The following NAV1 variants were observed in gnomAD, a reference collection of about 807,000 sequenced individuals.
NAV1 encodes pore membrane and/or filament interacting like protein 3.
In NAV1, 18 loss-of-function variants were observed where a neutral mutation model predicts 175.2. The observed-to-expected ratio is 0.10, with a 90% CI of 0.07 to 0.15. The LOEUF (loss-of-function observed/expected upper bound fraction) is 0.15. NAV1 is among the 10% of genes least tolerant of loss of function. NAV1 has a pLI of 1.00. For synonymous variants in NAV1, 897 were observed against 978.7 expected (o/e 0.92, Z 1.56); for missense variants, 1,731 against 2,436.6 (o/e 0.71, Z 6.10).
At chr1:201,655,378 C>T (rs1483623438) in intron 1 of NAV1, among the ~76,000 whole-genome samples, 2 of 152,232 alleles carry the variant, frequency 1.3e-5, no homozygotes, top group Non-Finnish European at 2.9e-5. Flanking sequence ...CCCCCACACC[C>T]TGTTTGGATT....
intron 1 of NAV1, among the ~76,000 whole-genome samples, chr1:201,661,821 C>T (rs1169056062): frequency 6.6e-6 from 1 of 152,178 alleles, no homozygotes; most frequent in Non-Finnish European, 1.5e-5. Flanking sequence ...AGTGCTGCAT[C>T]TAGCGGAGAA....
At chr1:201,627,999 C>T (rs1259968439) in intron 1 of NAV1, among the ~76,000 whole-genome samples, 2 of 151,596 alleles carry the variant, frequency 1.3e-5, no homozygotes, top group African/African-American at 2.4e-5. Flanking sequence ...ATCAGCTAGG[C>T]GTGGTAGCTT....
rs763547429 is a variant in NAV1 at position 201,781,042 on chromosome 1, G to A, written c.1396G>A (p.Ala466Thr). 4.3e-6 allele frequency: 7 copies of A among 1,613,314 alleles called. No individual in the cohort carries two copies. In the African/African-American group the frequency reaches 9.4e-5, roughly 22 times the overall value. The change falls in exon 5 of 30, where the codon GCA becomes ACA. Residue 466 changes from alanine to threonine, a missense_variant. Around this residue, in one of 13 missense-constraint regions of NAV1, gnomAD observed 634 missense variants for 766.8 expected, o/e 0.83. Coordinates refer to ENST00000367296, the Ensembl canonical transcript of NAV1. ...CACAGACTCAGAGAAGCGCTCACTGGCAGAAAGTGGGCTGAGCTGGTTTAG... is the reference window on the plus strand; with the variant it reads ...CACAGACTCAGAGAAGCGCTCACTGACAGAAAGTGGGCTGAGCTGGTTTAG...
upstream of NAV1, among the ~76,000 whole-genome samples, chr1:201,648,064 G>A (rs1669035442): frequency 7.2e-6 from 1 of 138,714 alleles, no homozygotes; most frequent in Non-Finnish European, 1.5e-5. Context: ...CCCCTCCCGA[G>A]CCAGAAATAG....
At chr1:201,804,520 C>A in intron 17 of NAV1, 23 bp downstream of exon 21, 1 of 1,542,968 alleles carries the variant, frequency 6.5e-7, no homozygotes, top group Admixed American at 2.0e-5. Context: ...GTTCCTATCC[C>A]CTTATTTTCT....
At position 201,694,573 on chromosome 1, in the gene NAV1, G is replaced by A. The variant is rs145227709; in HGVS notation, c.758-18244G>A. Reference sequence around the variant, plus strand: ...CTGCAGAGGGAGGAGGGTAAGTCTGGGAAGCTGGCCCCAGTGGGTGATCAG... The same window carrying A: ...CTGCAGAGGGAGGAGGGTAAGTCTGAGAAGCTGGCCCCAGTGGGTGATCAG... On this transcript the variant is annotated intron_variant, in intron 1 of 29. Transcript: ENST00000367296. This position sits in a 1 kb window ranked among gnomAD's most constrained non-coding sequence, Gnocchi z 4.2. Among the ~76,000 whole-genome samples the A allele has an allele frequency of 2.6e-5, 4 of 152,256 alleles. No homozygotes were observed. Among genetic ancestry groups the A allele is most frequent in the South Asian group, 2.1e-4 (1 of 4,808 alleles).
chr1:201,607,401 T>C (rs1667716093), intron 2 of NAV1, among the ~76,000 whole-genome samples: 1 of 149,774 alleles, frequency 6.7e-6, no homozygotes, highest in Non-Finnish European at 1.5e-5. Flanking sequence ...AGGTGTGAGC[T>C]GCCATGCCAG....
intron 2 of NAV1, among the ~76,000 whole-genome samples, chr1:201,596,581 T>C (rs1667352854): frequency 6.6e-6 from 1 of 152,246 alleles, no homozygotes; most frequent in Non-Finnish European, 1.5e-5. Context: ...GGCTCTGTCT[T>C]TGGCCCAGAC....
At chr1:201,785,270 C>T in intron 7 of NAV1, 40 bp from the exon 12 acceptor site, 1 of 1,480,514 alleles carries the variant, frequency 6.8e-7, no homozygotes, top group Non-Finnish European at 8.9e-7. Context: ...CCACATGCTT[C>T]TCTCTCTCTC....
chr1:201,771,229 A>G lies in NAV1; in HGVS notation c.1227-9192A>G, dbSNP rs530229025. Among the ~76,000 whole-genome samples the G allele has an allele frequency of 4.2e-3, 444 of 106,690 alleles. 2 individuals are homozygous for G. Among genetic ancestry groups the G allele is most frequent in the Middle Eastern group, 0.012 (2 of 164 alleles). 70.0% of individuals were successfully genotyped at this position (106,690 alleles called of 152,430 possible). A position where few individuals can be genotyped will look rare whatever the true frequency, so the allele number is the denominator to read the frequency against. Reference sequence around the variant, plus strand: ...ACTCCAGCCTGGGCGACAGAGCGAGACTCCGTCTCAAAAAAAAAAAAAAAA... The same window carrying G: ...ACTCCAGCCTGGGCGACAGAGCGAGGCTCCGTCTCAAAAAAAAAAAAAAAA... On this transcript the variant is annotated intron_variant, in intron 3 of 29. Transcript: ENST00000367296.
At chr1:201,819,113 AATAATAC>A (rs1679237151) in intron 29 of NAV1, among the ~76,000 whole-genome samples, 1 of 152,230 alleles carries the variant, frequency 6.6e-6, no homozygotes, top group South Asian at 2.1e-4. Flanking sequence ...ATAGGTTCAT[AATAATAC>A]AGTGTCTAGC....
At position 201,788,395 on chromosome 1, in the gene NAV1, G is replaced by T. The variant is rs1447309304; in HGVS notation, c.2996-73G>T. On this transcript the variant is annotated intron_variant, in intron 9 of 29. Coordinates refer to ENST00000367296, the Ensembl canonical transcript of NAV1. This position sits in a 1 kb window ranked among gnomAD's most constrained non-coding sequence, Gnocchi z 5.7. Reference sequence around the variant, plus strand: ...CGGTGCTCCATCCCCCAAGGGCCCGGAGAGCTGATGACCCTGCCTCTTTTC... The same window carrying T: ...CGGTGCTCCATCCCCCAAGGGCCCGTAGAGCTGATGACCCTGCCTCTTTTC... The T allele has an allele frequency of 6.5e-6, 10 of 1,544,774 alleles. No homozygotes were observed. The highest frequency in any genetic ancestry group is 1.4e-5 in the African/African-American group (1 of 73,508).
At chr1:201,724,339 G>T (rs984111927) in intron 3 of NAV1, 1 of 152,214 alleles carries the variant, frequency 6.6e-6, no homozygotes, top group Admixed American at 6.5e-5. Flanking sequence ...GGGAATAGAG[G>T]ATGGGTACCC....
intron 2 of NAV1, among the ~76,000 whole-genome samples, chr1:201,616,645 G>A (rs1366286503): frequency 6.6e-6 from 1 of 152,104 alleles, no homozygotes; most frequent in Non-Finnish European, 1.5e-5. Context: ...GCGCCACCAC[G>A]CCCAGCTAAT....
At chr1:201,755,037 T>TCAAA (rs1466758130) in intron 3 of NAV1, among the ~76,000 whole-genome samples, 6 of 152,218 alleles carry the variant, frequency 3.9e-5, no homozygotes, top group Non-Finnish European at 7.3e-5. Flanking sequence ...AATTAGTGCC[T>TCAAA]TTAGACATCA....
At chr1:201,621,318 G>A (rs1332127429), upstream of NAV1, among the ~76,000 whole-genome samples, 1 of 145,128 alleles carries the variant, frequency 6.9e-6, no homozygotes, top group Admixed American at 6.8e-5. Flanking sequence ...CTTGTTGCAA[G>A]TTTTCTTTTC....
At chr1:201,685,228 G>A (rs1444941483) in intron 1 of NAV1, among the ~76,000 whole-genome samples, 3 of 152,112 alleles carry the variant, frequency 2.0e-5, no homozygotes, top group Non-Finnish European at 4.4e-5. Context: ...GCAACAGAGT[G>A]AGACTCTGTC....
chr1:201,670,615 A>G (rs1670006128), intron 1 of NAV1, among the ~76,000 whole-genome samples: 1 of 151,058 alleles, frequency 6.6e-6, no homozygotes, highest in East Asian at 2.0e-4. Flanking sequence ...TTTGTTGATG[A>G]TGGCAGTGAT....
chr1:201,783,639 G>A (rs1424678388), exon 7 of NAV1: 1 of 1,614,192 alleles, frequency 6.2e-7, no homozygotes, highest in Non-Finnish European at 8.5e-7. Context: ...GAGCTAATGA[G>A]TGGTTTCAGT....
Sources: allele counts gnomAD v4.1 joint callset (sites outside exome capture counted in the v4.1 genomes callset), GRCh38; gene constraint gnomAD v4.1.1; regional missense constraint gnomAD v4.1.1; non-coding constraint Gnocchi (gnomAD v3.1); transcripts MANE v1.5; gene names NCBI Gene and HGNC (gene_info 2026-07-23, HGNC 2026-07-21).